Variants in CTNNA2 observed in about 807,000 individuals in gnomAD.
CTNNA2 encodes the protein catenin alpha 2, also known as catenin alpha-2.
CTNNA2 carries 42 observed loss-of-function variants against 101.0 expected under a neutral mutation model. The observed-to-expected ratio is 0.42, with a 90% CI of 0.32 to 0.54. The LOEUF (loss-of-function observed/expected upper bound fraction) is 0.54, where lower values mean the gene tolerates loss of function less well. Among genes scored for constraint, CTNNA2 ranks in the 20% least tolerant of loss-of-function variants. CTNNA2 has a pLI of 0.14. For missense variants in CTNNA2, 871 were observed against 1,223.1 expected, an observed-to-expected ratio of 0.71 and a Z score of 4.29; for synonymous variants, 450 against 456.4, an observed-to-expected ratio of 0.99 and a Z score of 0.18.
intron 7 of CTNNA2, among the ~76,000 whole-genome samples, chr2:80,275,392 G>A (rs1673818185): frequency 2.0e-5 from 3 of 152,132 alleles, no homozygotes; most frequent in Admixed American, 1.3e-4. Context: ...ATTACCATTT[G>A]ATTTAATTAA....
intron 7 of CTNNA2, among the ~76,000 whole-genome samples, chr2:80,012,267 A>G (rs1352486491): frequency 1.3e-5 from 2 of 152,188 alleles, no homozygotes; most frequent in South Asian, 4.1e-4. Flanking sequence ...AGAGTTTCCT[A>G]TTCAAAAGTT....
intron 1 of CTNNA2, among the ~76,000 whole-genome samples, chr2:79,644,525 G>A (rs980853717): frequency 3.3e-5 from 5 of 152,156 alleles, no homozygotes; most frequent in African/African-American, 1.2e-4. Flanking sequence ...CCAAAATTTT[G>A]TCTACTTTGC....
chr2:79,596,557 A>G (rs1677202499), intron 1 of CTNNA2, among the ~76,000 whole-genome samples: 1 of 152,180 alleles, frequency 6.6e-6, no homozygotes, highest in African/African-American at 2.4e-5. Context: ...TGGAAGGAAA[A>G]GGGCAACCCT....
At chr2:79,938,566 G>T (rs1281372773) in intron 7 of CTNNA2, among the ~76,000 whole-genome samples, 1 of 152,202 alleles carries the variant, frequency 6.6e-6, no homozygotes, top group Non-Finnish European at 1.5e-5. Flanking sequence ...CGAGCGATCT[G>T]TTCGCATTAT....
chr2:79,444,588 C>T (rs1317351135), intron 4 of CTNNA2, among the ~76,000 whole-genome samples: 1 of 152,056 alleles, frequency 6.6e-6, no homozygotes, highest in East Asian at 1.9e-4. Flanking sequence ...CCTGCCTCTC[C>T]ACCCTATCCC....
chr2:80,043,028 TTTCTTTCTTTCC>T (rs776355026), intron 7 of CTNNA2, among the ~76,000 whole-genome samples: 822 of 62,200 alleles, frequency 0.013, 126 homozygotes, highest in African/African-American at 0.019. Flanking sequence ...CCTTTCTTTC[TTTCTTTCTTTCC>T]TTCTTTCTTT....
chr2:80,306,861 A>G (rs1677077734), intron 7 of CTNNA2, among the ~76,000 whole-genome samples: 1 of 151,978 alleles, frequency 6.6e-6, no homozygotes, highest in African/African-American at 2.4e-5. Flanking sequence ...CCAAATGGGC[A>G]AGAAGAGGTC....
In CTNNA2 at chr2:79,869,931, A is replaced by G. The variant is rs1558597707; in HGVS notation, c.581A>G (p.Gln194Arg). The change falls in exon 5 of 19, where the codon CAA (glutamine) becomes CGA (arginine). Residue 194 changes from glutamine to arginine, a missense_variant. By Grantham distance (43) the Gln-to-Arg change is conservative. Coordinates refer to ENST00000402739, the MANE Select transcript of CTNNA2 (RefSeq NM_001282597.3). ...CTTAACTATGTAGCAGCAAGAAGACAACAGGTGGGAAAGATTTTAGAAATG... is the reference window on the plus strand; with the variant it reads ...CTTAACTATGTAGCAGCAAGAAGACGACAGGTGGGAAAGATTTTAGAAATG... ...VKLNYVAARR[Q>R]QELKDPHCRD... The G allele has an allele frequency of 6.2e-7, 1 of 1,613,344 alleles. No individual in the cohort carries two copies. Among genetic ancestry groups the G allele is most frequent in the Admixed American group, 1.7e-5 (1 of 59,914 alleles).
intron 3 of CTNNA2, chr2:79,319,947 T>C (rs1323345411): frequency 6.6e-6 from 1 of 152,198 alleles, no homozygotes; most frequent in Non-Finnish European, 1.5e-5. Flanking sequence ...TGTTTGACAT[T>C]GATCTTGATT....
rs530034068 is a variant in CTNNA2, at chr2:79,962,334, T to G, written c.1056+52537T>G. On this transcript the variant is annotated intron_variant, in intron 7 of 18. Transcript: ENST00000402739. ...AAGGGCAAGATAGCTTTCTGCAGCC[T>G]CTTTTAGGAGGGCATCTAATCGTAT... 3.0e-4 allele frequency among the ~76,000 whole-genome samples: 46 copies of G among 152,346 alleles called. No homozygotes were observed. In the South Asian group the frequency reaches 5.6e-3, roughly 18 times the overall value.
intron 9 of CTNNA2, among the ~76,000 whole-genome samples, chr2:80,422,600 G>A (rs1470087750): frequency 6.6e-6 from 1 of 152,036 alleles, no homozygotes; most frequent in Non-Finnish European, 1.5e-5. Flanking sequence ...CTTTAATTAG[G>A]TCAAGCTAGT....
intron 7 of CTNNA2, among the ~76,000 whole-genome samples, chr2:80,009,090 G>T (rs947450193): frequency 7.2e-5 from 11 of 152,198 alleles, no homozygotes; most frequent in Non-Finnish European, 7.3e-5. Flanking sequence ...GTCTGACATG[G>T]TGTTAGAATT....
chr2:80,570,835 C>G (rs1325388723), intron 12 of CTNNA2, among the ~76,000 whole-genome samples: 3 of 152,116 alleles, frequency 2.0e-5, no homozygotes, highest in Non-Finnish European at 2.9e-5. Flanking sequence ...ATCCTACCAT[C>G]CAAATCTCAC....
At chr2:79,423,062 C>T (rs1033479726) in intron 4 of CTNNA2, among the ~76,000 whole-genome samples, 3 of 152,036 alleles carry the variant, frequency 2.0e-5, no homozygotes, top group African/African-American at 7.3e-5. Flanking sequence ...AATTGGGAGG[C>T]CTTTGTGATT....
intron 9 of CTNNA2, among the ~76,000 whole-genome samples, chr2:80,518,241 T>A (rs1477246840): frequency 1.3e-5 from 2 of 152,216 alleles, no homozygotes; most frequent in Non-Finnish European, 2.9e-5. Flanking sequence ...GAGCTGATGA[T>A]CTCTAGTGGA....
At chr2:80,503,713 A>T (rs1559163274) in intron 9 of CTNNA2, among the ~76,000 whole-genome samples, 1 of 152,130 alleles carries the variant, frequency 6.6e-6, no homozygotes, top group Non-Finnish European at 1.5e-5. Context: ...AATGTCCCGT[A>T]AAAAAGGGAA....
At chr2:80,603,493 A>C (rs1697734456) in intron 15 of CTNNA2, 1 of 152,138 alleles carries the variant, frequency 6.6e-6, no homozygotes, top group African/African-American at 2.4e-5. Context: ...AGTTATGTGC[A>C]AGAGATAATT....
intron 7 of CTNNA2, among the ~76,000 whole-genome samples, chr2:79,927,099 A>G (rs1225233702): frequency 1.3e-5 from 2 of 152,192 alleles, no homozygotes; most frequent in African/African-American, 4.8e-5. Context: ...TTCTGAGCAC[A>G]GTGAAGCCTG....
At chr2:80,137,163 G>A (rs947083647) in intron 7 of CTNNA2, among the ~76,000 whole-genome samples, 4 of 152,030 alleles carry the variant, frequency 2.6e-5, no homozygotes, top group Non-Finnish European at 4.4e-5. Context: ...ATATAATCTG[G>A]GCTGTTATCT....
Sources: allele counts gnomAD v4.1 joint callset (sites outside exome capture counted in the v4.1 genomes callset), GRCh38; gene constraint gnomAD v4.1.1; transcripts MANE v1.5; gene names NCBI Gene and HGNC (gene_info 2026-07-23, HGNC 2026-07-21).